Variants in MINDY2 observed in about 807,000 individuals in gnomAD.
MINDY2 encodes the protein MINDY lysine 48 deubiquitinase 2.
MINDY2 carries 52 observed loss-of-function variants against 68.2 expected under a neutral mutation model. The observed-to-expected ratio is 0.76, with a 90% CI of 0.61 to 0.96. MINDY2 has a LOEUF of 0.96. Among genes scored for constraint, MINDY2 ranks in the 40% least tolerant of loss-of-function variants. MINDY2 has a pLI of 0.00. For missense variants in MINDY2, 881 were observed against 773.4 expected, an observed-to-expected ratio of 1.14 and a Z score of -1.65; for synonymous variants, 372 against 303.0, an observed-to-expected ratio of 1.23 and a Z score of -2.36.
At chr15:58,835,352 C>T (rs969611259) in intron 6 of MINDY2, among the ~76,000 whole-genome samples, 2 of 152,240 alleles carry the variant, frequency 1.3e-5, no homozygotes, top group African/African-American at 2.4e-5. Context: ...AAGAAGGTCA[C>T]ATTTAAAATG....
At chr15:58,844,919 T>TAA (rs35379834) in intron 6 of MINDY2, among the ~76,000 whole-genome samples, 68 of 67,842 alleles carry the variant, frequency 1.0e-3, no homozygotes, top group African/African-American at 3.6e-3. Context: ...AGACCCTGCC[T>TAA]AAAAAAAAAA....
chr15:58,790,239 T>G (rs1901793983), intron 2 of MINDY2, among the ~76,000 whole-genome samples: 1 of 152,196 alleles, frequency 6.6e-6, no homozygotes. Context: ...TCTTTTTATT[T>G]TTATTATTAT....
At chr15:58,845,938 C>A (rs1258871323) in intron 6 of MINDY2, among the ~76,000 whole-genome samples, 1 of 151,952 alleles carries the variant, frequency 6.6e-6, no homozygotes, top group Non-Finnish European at 1.5e-5. Context: ...GTGAGATAAG[C>A]CAGGCACAGA....
chr15:58,839,718 A>G (rs1306827126), intron 6 of MINDY2, among the ~76,000 whole-genome samples: 1 of 152,156 alleles, frequency 6.6e-6, no homozygotes, highest in African/African-American at 2.4e-5. Flanking sequence ...CAAACCATTG[A>G]AAAGTATATA....
chr15:58,850,577 T>G (rs1334772185), intron 7 of MINDY2, among the ~76,000 whole-genome samples: 8 of 152,204 alleles, frequency 5.3e-5, no homozygotes, highest in Non-Finnish European at 1.0e-4. Context: ...AAAAATTCTT[T>G]AAACCAATTT....
intron 1 of MINDY2, among the ~76,000 whole-genome samples, chr15:58,778,286 A>G (rs1389585105): frequency 6.6e-6 from 1 of 152,154 alleles, no homozygotes; most frequent in Non-Finnish European, 1.5e-5. Context: ...CTAATTTAAG[A>G]TGCTGGAAAC....
intron 1 of MINDY2, among the ~76,000 whole-genome samples, chr15:58,781,708 G>A (rs2140904005): frequency 6.6e-6 from 1 of 152,176 alleles, no homozygotes; most frequent in African/African-American, 2.4e-5. Context: ...TTCAAGACCA[G>A]CCTGGCCAAG....
intron 1 of MINDY2, among the ~76,000 whole-genome samples, chr15:58,776,823 A>G (rs1935338051): frequency 6.6e-6 from 1 of 152,088 alleles, no homozygotes; most frequent in South Asian, 2.1e-4. Flanking sequence ...GGAGTTTGAG[A>G]CCAGCTGGGG....
chr15:58,797,513 A>C (rs180914902), intron 2 of MINDY2, among the ~76,000 whole-genome samples: 1 of 152,292 alleles, frequency 6.6e-6, no homozygotes, highest in Non-Finnish European at 1.5e-5. Context: ...ATCTCAAACA[A>C]ACAAACAAAA....
intron 6 of MINDY2, among the ~76,000 whole-genome samples, chr15:58,832,454 C>G (rs1404289236): frequency 2.0e-5 from 3 of 151,576 alleles, no homozygotes; most frequent in African/African-American, 4.9e-5. Context: ...GTGTCAAACT[C>G]CTGACCTCAG....
At chr15:58,804,867 G>C (rs1902911903) in intron 3 of MINDY2, among the ~76,000 whole-genome samples, 1 of 151,958 alleles carries the variant, frequency 6.6e-6, no homozygotes, top group Non-Finnish European at 1.5e-5. Context: ...GTGGTTCACA[G>C]CTGTAATTCC....
At chr15:58,832,230 T>TC (rs1476645049) in intron 6 of MINDY2, among the ~76,000 whole-genome samples, 1 of 148,086 alleles carries the variant, frequency 6.8e-6, no homozygotes, top group Non-Finnish European at 1.5e-5. Context: ...GATGACTTCT[T>TC]TTTTTTTTTT....
intron 2 of MINDY2, among the ~76,000 whole-genome samples, chr15:58,800,148 C>T (rs1902544474): frequency 6.6e-6 from 1 of 152,110 alleles, no homozygotes; most frequent in African/African-American, 2.4e-5. Context: ...TTATGCCAAG[C>T]CCTCTCTTCC....
chr15:58,817,768 G>A (rs1298639164), intron 4 of MINDY2: 1 of 152,120 alleles, frequency 6.6e-6, no homozygotes, highest in Non-Finnish European at 1.5e-5. Context: ...TTAAATGTTG[G>A]TGAAGATGTG....
intron 6 of MINDY2, among the ~76,000 whole-genome samples, chr15:58,841,195 C>T (rs1407840151): frequency 4.6e-5 from 7 of 151,462 alleles, no homozygotes; most frequent in Admixed American, 1.3e-4. Context: ...GTTGACCAGG[C>T]TGGTGTTGAA....
At chr15:58,847,106 A>C (rs183839766) in intron 6 of MINDY2, among the ~76,000 whole-genome samples, 191 bp from the exon 7 acceptor site, 132 of 152,326 alleles carry the variant, frequency 8.7e-4, no homozygotes, top group Non-Finnish European at 1.6e-3. Flanking sequence ...CCAATTATAA[A>C]CTATATTCAA....
intron 2 of MINDY2, among the ~76,000 whole-genome samples, chr15:58,790,698 T>G (rs1182606573): frequency 6.6e-6 from 1 of 152,144 alleles, no homozygotes; most frequent in African/African-American, 2.4e-5. Flanking sequence ...GGTTAGATAC[T>G]GGATACAGAG....
Position 58,861,193 on chromosome 15 carries a change from A to C in MINDY2, c.*6583A>C, listed in dbSNP as rs1165672458. 3 of 152,224 alleles carry C rather than the reference A, an allele frequency of 2.0e-5. No individual in the cohort carries two copies. The highest frequency in any genetic ancestry group is 7.2e-5 in the African/African-American group (3 of 41,460). 9.4% of individuals were successfully genotyped at this position (152,224 alleles called of 1,614,324 possible). ...AAGTGGAATGGTATAATGACTACAG[A>C]GAAAATTATCTTGAAATATAGCAAG... On this transcript the variant is annotated 3_prime_UTR_variant, in exon 9 of 9. Transcript: ENST00000559228.
chr15:58,852,954 T>G (rs1567079810), intron 8 of MINDY2, among the ~76,000 whole-genome samples: 1 of 47,460 alleles, frequency 2.1e-5, no homozygotes, highest in Non-Finnish European at 4.9e-5. Context: ...TTTTTTTTTT[T>G]TTTTTTTTTT....
Sources: gnomAD v4.1 joint callset for allele counts (sites outside exome capture counted in the v4.1 genomes callset) on GRCh38, gnomAD v4.1.1 for gene constraint, MANE v1.5 for transcripts, NCBI Gene and HGNC (gene_info 2026-07-23, HGNC 2026-07-21) for gene names.